The following RNF125 variants were observed in gnomAD, a reference collection of about 807,000 sequenced individuals.
The protein encoded by RNF125 is E3 ubiquitin-protein ligase RNF125.
Under a neutral mutation model 26.0 loss-of-function variants are expected in RNF125, and 21 were observed. That is an observed-to-expected ratio of 0.81 (90% CI 0.57 to 1.16). RNF125 has a LOEUF of 1.16. RNF125 is among the 50% of genes most tolerant of loss of function. The probability of loss-of-function intolerance (pLI) is 0.00; values close to 1 mark genes in which losing one functional copy is unlikely to be tolerated. For synonymous variants in RNF125, 95 were observed against 109.2 expected (o/e 0.87, Z 0.81); for missense variants, 270 against 299.4 (o/e 0.90, Z 0.72).
At chr18:32,080,459 G>A in the RNF125 span, among the ~76,000 whole-genome samples, 1 of 152,242 alleles carries the variant, frequency 6.6e-6, no homozygotes, top group Non-Finnish European at 1.5e-5. Flanking sequence ...TTTCAAGGAT[G>A]TGTCCTCCAG....
intron 1 of RNF125, among the ~76,000 whole-genome samples, chr18:32,029,462 G>GAA (rs61164382): frequency 1.3e-4 from 15 of 112,380 alleles, no homozygotes; most frequent in Admixed American, 1.9e-4. Flanking sequence ...CGTCTGTACA[G>GAA]AAAAAAAAAA....
chr18:32,037,041 A>T, intron 1 of RNF125, 75 bp from the exon 2 acceptor site: 1 of 1,360,230 alleles, frequency 7.4e-7, no homozygotes, highest in Non-Finnish European at 1.0e-6. Flanking sequence ...ATTACAGTTT[A>T]CACAAATGAA....
At chr18:32,037,967 C>T (rs1333023667) in intron 2 of RNF125, among the ~76,000 whole-genome samples, 3 of 151,950 alleles carry the variant, frequency 2.0e-5, no homozygotes, top group Non-Finnish European at 4.4e-5. Context: ...CTTGGGTCCC[C>T]TTCCATGTTG....
intron 4 of RNF125, among the ~76,000 whole-genome samples, chr18:32,064,655 A>G (rs1228992949): frequency 1.3e-5 from 2 of 151,842 alleles, no homozygotes; most frequent in African/African-American, 4.8e-5. Context: ...AGTAGGTGGG[A>G]TAGCAGGCAG....
intron 1 of RNF125, among the ~76,000 whole-genome samples, chr18:32,031,862 G>C (rs2039100067): frequency 6.6e-6 from 1 of 152,080 alleles, no homozygotes; most frequent in African/African-American, 2.4e-5. Context: ...ATTTGGGTCA[G>C]AAAACCCCAG....
At chr18:32,034,496 T>G (rs912177519) in intron 1 of RNF125, among the ~76,000 whole-genome samples, 1 of 152,200 alleles carries the variant, frequency 6.6e-6, no homozygotes, top group African/African-American at 2.4e-5. Context: ...CTTGGTTTCC[T>G]TATCTATAAA....
At chr18:32,049,826 A>G (rs2039306578) in intron 4 of RNF125, among the ~76,000 whole-genome samples, 1 of 152,120 alleles carries the variant, frequency 6.6e-6, no homozygotes, top group Non-Finnish European at 1.5e-5. Context: ...AAGGATCTAG[A>G]GCCACTAGAA....
intron 4 of RNF125, among the ~76,000 whole-genome samples, chr18:32,051,115 C>T (rs2039322761): frequency 6.6e-6 from 1 of 151,968 alleles, no homozygotes; most frequent in Admixed American, 6.6e-5. Flanking sequence ...CCCTGATACT[C>T]ATTAATTTCA....
chr18:32,045,656 T>C lies in RNF125; in HGVS notation c.428T>C (p.Phe143Ser). ...GCTATTTCCAGGTGTGTATGTCCCT[T>C]TTGTCAGAGGGAACTGTATGAAGAC... is the stretch of plus-strand genomic sequence containing the variant. ...EETAARCVCPFCQRELYEDSL... is the reference protein window; with the variant it reads ...EETAARCVCPSCQRELYEDSL... The change falls in exon 4 of 6, where the codon TTT (phenylalanine) becomes TCT (serine). Residue 143 changes from phenylalanine to serine, a missense_variant. Coordinates refer to ENST00000217740, the MANE Select transcript of RNF125 (RefSeq NM_017831.4). 5 of 1,609,654 alleles carry C rather than the reference T, an allele frequency of 3.1e-6. No individual in the cohort carries two copies. Among genetic ancestry groups the C allele is most frequent in the Non-Finnish European group, 4.2e-6 (5 of 1,177,296 alleles).
intron 4 of RNF125, among the ~76,000 whole-genome samples, chr18:32,064,535 G>T (rs549563329): frequency 6.7e-6 from 1 of 148,600 alleles, no homozygotes; most frequent in East Asian, 2.0e-4. Flanking sequence ...TGAGATTTGG[G>T]TGGGGACAAG....
intron 1 of RNF125, among the ~76,000 whole-genome samples, chr18:32,024,183 C>A (rs1028018047): frequency 6.9e-6 from 1 of 145,864 alleles, no homozygotes; most frequent in African/African-American, 2.5e-5. Context: ...AATCACACTT[C>A]ATGCCATTCT....
At chr18:32,053,471 G>A (rs12455805) in intron 4 of RNF125, among the ~76,000 whole-genome samples, 108,315 of 151,628 alleles carry the variant, frequency 0.71, 39,024 homozygotes, top group African/African-American at 0.79. Context: ...AAAAATGGGG[G>A]AAAACTGTCA....
rs147851242 is a variant in RNF125 at position 32,038,318 on chromosome 18, G to A, written c.318+1049G>A. 4.9e-3 allele frequency among the ~76,000 whole-genome samples: 738 copies of A among 152,162 alleles called. 3 individuals are homozygous for A. Among genetic ancestry groups the A allele is most frequent in the Middle Eastern group, 0.01 (3 of 294 alleles). On this transcript the variant is annotated intron_variant, in intron 2 of 5. Coordinates refer to ENST00000217740, the MANE Select transcript of RNF125 (RefSeq NM_017831.4). The stretch of plus-strand genomic sequence containing the variant: ...GCCCACCTTGGCCTCCAAAGTGCTG[G>A]GATTACAGGCGTGAGCCATCTCACC...
At chr18:32,076,922 T>C (rs2039574148), downstream of RNF125, among the ~76,000 whole-genome samples, 1 of 152,160 alleles carries the variant, frequency 6.6e-6, no homozygotes, top group Non-Finnish European at 1.5e-5. Flanking sequence ...CCAGCCAAAG[T>C]CACTCCTCCA....
At chr18:32,048,338 AT>A in intron 4 of RNF125, among the ~76,000 whole-genome samples, 1 of 152,028 alleles carries the variant, frequency 6.6e-6, no homozygotes, top group East Asian at 1.9e-4. Flanking sequence ...AGGCAGGAGA[AT>A]CACTTGAACC....
At chr18:32,041,654 G>A (rs2039219263) in intron 2 of RNF125, among the ~76,000 whole-genome samples, 1 of 103,902 alleles carries the variant, frequency 9.6e-6, no homozygotes, top group Non-Finnish European at 1.8e-5. Context: ...TTTTTGAGAC[G>A]GAGTCTCGCT....
chr18:32,033,226 A>G (rs577899654), intron 1 of RNF125, among the ~76,000 whole-genome samples: 38 of 152,308 alleles, frequency 2.5e-4, no homozygotes, highest in African/African-American at 9.1e-4. Context: ...TTGTTTTTCC[A>G]TACCACAAGG....
At position 32,065,942 on chromosome 18, in the gene RNF125, G is replaced by A. The variant is rs2039481253; in HGVS notation, c.545G>A (p.Ser182Asn). ...LCRLIPDENP[S>N]SFSGSLIRHL... The stretch of plus-strand genomic sequence containing the variant: ...CGTTTAATACCCGATGAGAATCCAA[G>A]CAGCTTCAGTGGCAGTTTAATAAGA... Residue 182 changes from serine (S) to asparagine (N), a missense_variant, in exon 5 of 6, where the codon AGC (serine) becomes AAC (asparagine). Physicochemically the swap from Ser to Asn is conservative, Grantham distance 46 (BLOSUM62 1). Coordinates refer to ENST00000217740, the MANE Select transcript of RNF125 (RefSeq NM_017831.4). 5.6e-6 allele frequency: 9 copies of A among 1,613,900 alleles called. No homozygotes were observed. Among genetic ancestry groups the A allele is most frequent in the Non-Finnish European group, 7.6e-6 (9 of 1,179,802 alleles).
chr18:32,042,767 G>GT (rs1388694566), intron 3 of RNF125, among the ~76,000 whole-genome samples: 1 of 149,922 alleles, frequency 6.7e-6, no homozygotes, highest in African/African-American at 2.5e-5. Context: ...TTTTTGATGG[G>GT]TAATCTCGTA....
Sources: allele counts gnomAD v4.1 joint callset (sites outside exome capture counted in the v4.1 genomes callset), GRCh38; gene constraint gnomAD v4.1.1; transcripts MANE v1.5; gene names NCBI Gene and HGNC (gene_info 2026-07-23, HGNC 2026-07-21).